The following PACSIN2 variants were observed in gnomAD, a reference collection of about 807,000 sequenced individuals.
The protein encoded by PACSIN2 is protein kinase C and casein kinase substrate in neurons protein 2.
A neutral mutation model predicts 63.8 loss-of-function variants in PACSIN2; 25 were observed. The ratio of observed to expected loss-of-function variants is 0.39; its 90% CI spans 0.29 to 0.55. The LOEUF is 0.55. PACSIN2 is among the 20% of genes least tolerant of loss of function. The probability of loss-of-function intolerance (pLI) is 0.62; values close to 1 mark genes in which losing one functional copy is unlikely to be tolerated. For synonymous variants in PACSIN2, 255 were observed against 256.2 expected, an observed-to-expected ratio of 1.00 and a Z score of 0.05; for missense variants, 518 against 646.9, an observed-to-expected ratio of 0.80 and a Z score of 2.16.
At chr22:42,971,765 C>CCCCCGCCCGGCCAGCCG (rs1921301180) in intron 1 of PACSIN2, among the ~76,000 whole-genome samples, 1 of 150,254 alleles carries the variant, frequency 6.7e-6, no homozygotes, top group African/African-American at 2.5e-5. Context: ...TGGGGGGTAG[C>CCCCCGCCCGGCCAGCCG]CCCCGCCCGG....
intron 1 of PACSIN2, among the ~76,000 whole-genome samples, chr22:42,935,668 GAA>G (rs1251626334): frequency 6.6e-6 from 1 of 152,094 alleles, no homozygotes; most frequent in East Asian, 1.9e-4. Context: ...TGGCTTCGAG[GAA>G]AAAGTGTTTC....
At chr22:42,950,247 T>C (rs1160191144) in intron 1 of PACSIN2, among the ~76,000 whole-genome samples, 1 of 152,050 alleles carries the variant, frequency 6.6e-6, no homozygotes, top group African/African-American at 2.4e-5. Flanking sequence ...AGAGTATACA[T>C]AAGTTATATG....
intron 1 of PACSIN2, among the ~76,000 whole-genome samples, chr22:43,005,964 T>C (rs1037324386): frequency 6.6e-6 from 1 of 152,126 alleles, no homozygotes; most frequent in Non-Finnish European, 1.5e-5. Context: ...ATTTTTTTTT[T>C]TTAGTTTTTG....
At chr22:42,909,989 T>C (rs1296595896) in intron 2 of PACSIN2, among the ~76,000 whole-genome samples, 1 of 152,196 alleles carries the variant, frequency 6.6e-6, no homozygotes, top group African/African-American at 2.4e-5. Flanking sequence ...GTTTATTCAT[T>C]CTTTTAACCC....
Position 42,879,119 on chromosome 22 carries a change from C to T in PACSIN2, c.957G>A (p.Lys319=), listed in dbSNP as rs1928877610. ...NRTLSRREKK[K]ATDGVTLTGI... is the part of the protein sequence containing the mutation. ...CCGTCAGGGTGACGCCGTCAGTGGCCTTCTTCTTCTCTCTCCGGCTGAGGG... is the reference window on the plus strand; with the variant it reads ...CCGTCAGGGTGACGCCGTCAGTGGCTTTCTTCTTCTCTCTCCGGCTGAGGG... Residue 319 remains lysine (K), a synonymous_variant, in exon 8 of 11, where the codon AAG becomes AAA. Coordinates refer to ENST00000263246, the MANE Select transcript of PACSIN2 (RefSeq NM_001184970.3). 6.2e-7 allele frequency: 1 copy of T among 1,613,852 alleles called. No homozygotes were observed. Among genetic ancestry groups the T allele is most frequent in the East Asian group, 2.2e-5 (1 of 44,878 alleles).
intron 2 of PACSIN2, among the ~76,000 whole-genome samples, chr22:42,901,589 TGAG>T (rs1930689724): frequency 6.6e-6 from 1 of 152,178 alleles, no homozygotes; most frequent in Admixed American, 6.5e-5. Context: ...GCTATTCCTG[TGAG>T]GACCAAATGG....
chr22:42,965,423 G>C (rs143674618), intron 1 of PACSIN2, among the ~76,000 whole-genome samples: 279 of 152,256 alleles, frequency 1.8e-3, no homozygotes, highest in African/African-American at 6.2e-3. Context: ...CAATAAAGAG[G>C]AAGAAGGCGG....
At position 42,889,133 on chromosome 22, in the gene PACSIN2, G is replaced by C. The variant is rs546657625; in HGVS notation, c.454-335C>G. On this transcript the variant is annotated intron_variant, in intron 4 of 10. Coordinates refer to ENST00000263246, the MANE Select transcript of PACSIN2 (RefSeq NM_001184970.3). ...ATTAGAGGGCATTAAGTGTAGGGGA[G>C]GACAACTGAGACGGAGCATGGGGTG... 1.4e-3 allele frequency among the ~76,000 whole-genome samples: 215 copies of C among 152,146 alleles called. 1 individual carries two copies. The highest frequency in any genetic ancestry group is 5.1e-3 in the African/African-American group (212 of 41,484).
At chr22:42,947,480 G>T (rs541836688) in intron 1 of PACSIN2, among the ~76,000 whole-genome samples, 16 of 152,098 alleles carry the variant, frequency 1.1e-4, no homozygotes, top group African/African-American at 2.9e-4. Context: ...CTTGGAGGCA[G>T]CCGTTTCAGA....
intron 2 of PACSIN2, among the ~76,000 whole-genome samples, chr22:42,902,582 A>T (rs114022410): frequency 5.0e-4 from 76 of 152,024 alleles, no homozygotes; most frequent in African/African-American, 1.8e-3. Flanking sequence ...TCAACCAAAC[A>T]ACTCATGATC....
At chr22:42,923,709 G>A (rs1910189940) in intron 1 of PACSIN2, among the ~76,000 whole-genome samples, 1 of 152,180 alleles carries the variant, frequency 6.6e-6, no homozygotes, top group Non-Finnish European at 1.5e-5. Context: ...TTACAGGCGT[G>A]AGCCACTGCG....
intron 1 of PACSIN2, among the ~76,000 whole-genome samples, chr22:42,952,543 G>C (rs1350946001): frequency 3.3e-5 from 5 of 151,874 alleles, no homozygotes; most frequent in African/African-American, 1.2e-4. Context: ...TGTATTTTTA[G>C]TAGAGACGGG....
chr22:42,885,985 T>C (rs751425021), intron 5 of PACSIN2, among the ~76,000 whole-genome samples: 13 of 152,194 alleles, frequency 8.5e-5, no homozygotes, highest in African/African-American at 1.2e-4. Flanking sequence ...CCAAGACACA[T>C]AGCTGTGGGT....
At chr22:42,984,641 G>T (rs1036195808) in intron 1 of PACSIN2, among the ~76,000 whole-genome samples, 7 of 152,146 alleles carry the variant, frequency 4.6e-5, no homozygotes, top group African/African-American at 1.7e-4. Flanking sequence ...CGGTGCTTCA[G>T]GGCATCTGGG....
chr22:42,973,112 G>T (rs191655519), intron 1 of PACSIN2, among the ~76,000 whole-genome samples: 1 of 152,168 alleles, frequency 6.6e-6, no homozygotes, highest in South Asian at 2.1e-4. Context: ...GGACATGACC[G>T]TCAGCTCAAA....
intron 1 of PACSIN2, among the ~76,000 whole-genome samples, chr22:42,966,242 C>T (rs1920954395): frequency 6.6e-6 from 1 of 152,164 alleles, no homozygotes; most frequent in East Asian, 1.9e-4. Context: ...TGGTGGTGTG[C>T]ACCTGTAGTC....
In PACSIN2 at chr22:42,870,174, A is replaced by T. The variant is rs1018484609; in HGVS notation, c.*1183T>A. On this transcript the variant is annotated 3_prime_UTR_variant, in exon 11 of 11. Coordinates refer to ENST00000263246, the MANE Select transcript of PACSIN2 (RefSeq NM_001184970.3). ...TGTGCACAAGTAACACGACGACTGA[A>T]ATCTGCAACTACTGCAAAGACGCGG... 4.6e-5 allele frequency: 7 copies of T among 152,188 alleles called. No individual in the cohort carries two copies. In the East Asian group the frequency reaches 1.2e-3, roughly 25 times the overall value. 9.4% of individuals were successfully genotyped at this position (152,188 alleles called of 1,614,324 possible). A position where few individuals can be genotyped will look rare whatever the true frequency, so the allele number is the denominator to read the frequency against.
chr22:42,890,106 A>G (rs1331626019), intron 4 of PACSIN2, among the ~76,000 whole-genome samples: 2 of 149,864 alleles, frequency 1.3e-5, no homozygotes, highest in African/African-American at 4.9e-5. Flanking sequence ...GGTTCAAGTG[A>G]TTCTCCTCCC....
chr22:42,921,391 G>A (rs909227666), intron 1 of PACSIN2, among the ~76,000 whole-genome samples: 6 of 149,286 alleles, frequency 4.0e-5, no homozygotes, highest in Admixed American at 2.0e-4. Flanking sequence ...AAAAAAAGCT[G>A]CATTTGGAGC....
Sources: allele counts gnomAD v4.1 joint callset (sites outside exome capture counted in the v4.1 genomes callset), GRCh38; gene constraint gnomAD v4.1.1; transcripts MANE v1.5; gene names NCBI Gene and HGNC (gene_info 2026-07-23, HGNC 2026-07-21).